DMD: variants seen among roughly 807,000 people sequenced by gnomAD.
DMD encodes mutant dystrophin.
A neutral mutation model predicts 330.1 loss-of-function variants in DMD; 63 were observed. That is an observed-to-expected ratio of 0.19 (90% CI 0.16 to 0.24). The LOEUF (loss-of-function observed/expected upper bound fraction) is 0.24. Ranked by LOEUF, DMD falls within the 10% of genes least tolerant of loss-of-function variation. The probability of loss-of-function intolerance (pLI) is 1.00; values close to 1 mark genes in which losing one functional copy is unlikely to be tolerated. For synonymous variants in DMD, 1,223 were observed against 959.8 expected, an observed-to-expected ratio of 1.27 and a Z score of -5.07; for missense variants, 3,344 against 2,684.1, an observed-to-expected ratio of 1.25 and a Z score of -5.43.
intron 44 of DMD, among the ~76,000 whole-genome samples, chrX:32,201,466 AACACC>A (rs377484405): frequency 0.021 from 1,639 of 76,618 alleles, 46 homozygotes; most frequent in African/African-American, 0.074. Context: ...TGCAAATTCA[AACACC>A]CCCCCCCCCC....
intron 55 of DMD, among the ~76,000 whole-genome samples, chrX:31,543,208 G>A (rs2073944909): frequency 9.2e-6 from 1 of 108,862 alleles, no homozygotes; most frequent in Admixed American, 9.8e-5. Context: ...GTCTTGCTCT[G>A]TCGCCAGGCT....
intron 16 of DMD, among the ~76,000 whole-genome samples, chrX:32,558,754 A>T (rs2050609340): frequency 9.0e-6 from 1 of 110,860 alleles, no homozygotes; most frequent in African/African-American, 3.3e-5. Context: ...TCCAAGAGTT[A>T]ACTCAGACTG....
intron 2 of DMD, among the ~76,000 whole-genome samples, chrX:32,876,647 G>C (rs748688633): frequency 6.3e-4 from 70 of 111,457 alleles, no homozygotes; most frequent in African/African-American, 2.1e-3. Context: ...AGTTGTTGTA[G>C]GTTTCCTCAC....
chrX:32,131,352 T>C (rs190030699), intron 44 of DMD, among the ~76,000 whole-genome samples: 25 of 112,239 alleles, frequency 2.2e-4, no homozygotes, highest in African/African-American at 7.1e-4. Context: ...GGATAGGTGA[T>C]TGAACAAACA....
At chrX:31,200,097 G>A (rs1341913549) in intron 67 of DMD, among the ~76,000 whole-genome samples, 3 of 112,065 alleles carry the variant, frequency 2.7e-5, no homozygotes, top group African/African-American at 9.7e-5. Flanking sequence ...AAAACGCTGA[G>A]AGGCTCCCCA....
intron 20 of DMD, among the ~76,000 whole-genome samples, chrX:32,488,878 A>G (rs977189000): frequency 9.0e-6 from 1 of 110,875 alleles, no homozygotes; most frequent in African/African-American, 3.3e-5. Flanking sequence ...AGCATTTACA[A>G]TGGTCTTCAT....
At chrX:32,111,335 AT>A (rs750236196) in intron 44 of DMD, among the ~76,000 whole-genome samples, 34 of 112,068 alleles carry the variant, frequency 3.0e-4, no homozygotes, top group Non-Finnish European at 5.5e-4. Context: ...TCTTTAAACA[AT>A]TTTTTTATAA....
At chrX:32,348,116 C>T (rs945851779) in intron 38 of DMD, among the ~76,000 whole-genome samples, 9 of 110,775 alleles carry the variant, frequency 8.1e-5, no homozygotes, top group Non-Finnish European at 1.3e-4. Context: ...TTTTATGATT[C>T]GACTCTTTTT....
At chrX:32,329,136 C>T (rs892413243) in intron 41 of DMD, among the ~76,000 whole-genome samples, 24 of 112,353 alleles carry the variant, frequency 2.1e-4, no homozygotes, top group African/African-American at 7.4e-4. Flanking sequence ...CTCCTGACTT[C>T]ATCAAGCCTA....
At chrX:33,256,527 A>G (rs986121281) in intron 1 of DMD, among the ~76,000 whole-genome samples, 1 of 110,530 alleles carries the variant, frequency 9.0e-6, no homozygotes. Context: ...GAGAGGAAAT[A>G]TAACATTTAT....
intron 44 of DMD, among the ~76,000 whole-genome samples, chrX:32,122,589 A>T (rs1267135801): frequency 9.0e-6 from 1 of 111,244 alleles, no homozygotes; most frequent in African/African-American, 3.3e-5. Context: ...ACCACTAAAT[A>T]CATCTCTCTG....
intron 1 of DMD, among the ~76,000 whole-genome samples, chrX:33,224,738 T>C (rs1018650629): frequency 1.8e-5 from 2 of 111,218 alleles, no homozygotes; most frequent in African/African-American, 3.3e-5. Context: ...AATGATGTGT[T>C]GACGTAGGTT....
chrX:33,258,792 T>G (rs113518104), intron 1 of DMD, among the ~76,000 whole-genome samples: 451 of 111,167 alleles, frequency 4.1e-3, no homozygotes, highest in African/African-American at 0.014. Flanking sequence ...GCTGATGGTT[T>G]GTTCGGATCT....
intron 53 of DMD, among the ~76,000 whole-genome samples, chrX:31,664,777 G>A (rs1454850842): frequency 9.6e-6 from 1 of 103,980 alleles, no homozygotes; most frequent in Non-Finnish European, 2.0e-5. Context: ...TTTTTTATTG[G>A]CTCCCTCCCT....
chrX:31,200,625 C>T (rs1373246752), intron 67 of DMD, among the ~76,000 whole-genome samples: 1 of 111,295 alleles, frequency 9.0e-6, no homozygotes, highest in African/African-American at 3.3e-5. Flanking sequence ...GGTTATGAAA[C>T]CAGAGTAGGA....
intron 61 of DMD, among the ~76,000 whole-genome samples, chrX:31,336,017 A>C (rs1264345389): frequency 8.9e-6 from 1 of 112,790 alleles, no homozygotes; most frequent in Non-Finnish European, 1.9e-5. Context: ...CCCTACACTG[A>C]TCAGGAAGAG....
chrX:33,154,818 G>T lies in DMD; in HGVS notation c.31+56464C>A, dbSNP rs746361204. Among the ~76,000 whole-genome samples the T allele has an allele frequency of 1.6e-4, 18 of 111,731 alleles. No individual in the cohort carries two copies. The East Asian group carries it at 4.8e-3, about 30-fold the overall frequency. ...GGCAAGCCCATTTTACAATCCAATT[G>T]TCATTTCTAAGAGGATATTGGAATT... On this transcript the variant is annotated intron_variant, in intron 1 of 78. Transcript: ENST00000357033.
intron 44 of DMD, among the ~76,000 whole-genome samples, chrX:31,980,047 T>C (rs1010704761): frequency 1.8e-5 from 2 of 112,190 alleles, no homozygotes; most frequent in East Asian, 2.8e-4. Context: ...CAAGACCAAA[T>C]ATTGACAAAG....
At position 31,949,992 on chromosome X, in the gene DMD, A is replaced by G. The variant is rs765798281; in HGVS notation, c.6615-17765T>C. On this transcript the variant is annotated intron_variant, in intron 45 of 78. Coordinates refer to ENST00000357033, the MANE Select transcript of DMD (RefSeq NM_004006.3). ...TTTTTCTTTCTTCTTCTTCTATTTTATTGACTTCTGCTCTAACCCCCGTTA... is the reference window on the plus strand; with the variant it reads ...TTTTTCTTTCTTCTTCTTCTATTTTGTTGACTTCTGCTCTAACCCCCGTTA... Among the ~76,000 whole-genome samples, 219 of 108,380 alleles carry G rather than the reference A, an allele frequency of 2.0e-3. 1 individual carries two copies. The highest frequency in any genetic ancestry group is 3.8e-3 in the Non-Finnish European group (197 of 51,920). 94.1% of individuals were successfully genotyped at this position (108,380 alleles called of 115,157 possible).
Sources: gnomAD v4.1 joint callset for allele counts (sites outside exome capture counted in the v4.1 genomes callset) on GRCh38, gnomAD v4.1.1 for gene constraint, MANE v1.5 for transcripts, NCBI Gene and HGNC (gene_info 2026-07-23, HGNC 2026-07-21) for gene names.